The following ZBTB7C variants were observed in gnomAD, a reference collection of about 807,000 sequenced individuals.
The protein encoded by ZBTB7C is zinc finger and BTB domain containing 7C, also known as zinc finger and BTB domain-containing protein 7C.
A neutral mutation model predicts 25.7 loss-of-function variants in ZBTB7C; 8 were observed. That is an observed-to-expected ratio of 0.31 (90% CI 0.18 to 0.56). ZBTB7C has a LOEUF of 0.56. Ranked by LOEUF, ZBTB7C falls within the 20% of genes least tolerant of loss-of-function variation. ZBTB7C has a pLI of 0.91. For synonymous variants in ZBTB7C, 394 were observed against 369.0 expected, an observed-to-expected ratio of 1.07 and a Z score of -0.78; for missense variants, 824 against 855.2, an observed-to-expected ratio of 0.96 and a Z score of 0.46.
chr18:48,198,837 T>G (rs955515285), intron 2 of ZBTB7C, among the ~76,000 whole-genome samples: 2 of 152,170 alleles, frequency 1.3e-5, no homozygotes, highest in African/African-American at 2.4e-5. Context: ...TGGGAGACCA[T>G]TATCTTGTCT....
chr18:48,153,911 G>A (rs1167264664), intron 3 of ZBTB7C, among the ~76,000 whole-genome samples: 3 of 152,180 alleles, frequency 2.0e-5, no homozygotes, highest in African/African-American at 7.2e-5. Flanking sequence ...GAAGCCCCAG[G>A]GCCTAGGAGG....
chr18:48,345,507 C>T (rs368715374), intron 1 of ZBTB7C, among the ~76,000 whole-genome samples: 3 of 152,176 alleles, frequency 2.0e-5, no homozygotes, highest in Non-Finnish European at 4.4e-5. Context: ...AGGTGCCCTG[C>T]GCACTTCTGT....
chr18:48,246,230 A>G (rs1037614291), intron 2 of ZBTB7C, among the ~76,000 whole-genome samples: 11 of 152,066 alleles, frequency 7.2e-5, no homozygotes, highest in African/African-American at 1.9e-4. Context: ...AGGCGGGTGG[A>G]TCACAAGGTC....
intron 3 of ZBTB7C, among the ~76,000 whole-genome samples, chr18:48,138,413 G>A (rs2040239438): frequency 6.6e-6 from 1 of 152,232 alleles, no homozygotes; most frequent in African/African-American, 2.4e-5. Context: ...GTGTCAGGAA[G>A]GCAGGAAAGG....
intron 2 of ZBTB7C, among the ~76,000 whole-genome samples, chr18:48,261,880 A>G (rs12967626): frequency 0.38 from 58,295 of 152,148 alleles, 13,336 homozygotes; most frequent in Non-Finnish European, 0.53. Context: ...ACCAAATGGA[A>G]GAGGCAGGTC....
intron 3 of ZBTB7C, among the ~76,000 whole-genome samples, chr18:48,050,210 AG>A: frequency 6.6e-6 from 1 of 152,264 alleles, no homozygotes; most frequent in African/African-American, 2.4e-5. Flanking sequence ...TGGCCCAAGC[AG>A]CTGGCCAGCC....
intron 3 of ZBTB7C, among the ~76,000 whole-genome samples, chr18:48,085,951 C>T (rs2144516262): frequency 6.6e-6 from 1 of 152,322 alleles, no homozygotes; most frequent in Admixed American, 6.5e-5. Context: ...GCCATCTCAG[C>T]CACAGGCTGG....
chr18:48,066,540 A>G (rs376814185), intron 3 of ZBTB7C, among the ~76,000 whole-genome samples: 11 of 152,190 alleles, frequency 7.2e-5, no homozygotes, highest in African/African-American at 2.7e-4. Flanking sequence ...CCACAAAATT[A>G]TAGATAACAA....
At chr18:48,160,154 C>T (rs1007636343) in intron 3 of ZBTB7C, among the ~76,000 whole-genome samples, 2 of 152,176 alleles carry the variant, frequency 1.3e-5, no homozygotes, top group African/African-American at 4.8e-5. Flanking sequence ...TGCCAGGCTC[C>T]GATGGGGGTC....
intron 3 of ZBTB7C, chr18:48,137,344 C>G (rs2144810075): frequency 1.0e-6 from 1 of 984,988 alleles, no homozygotes; most frequent in African/African-American, 1.7e-5. Context: ...GAAATAAAGG[C>G]AAGGGCGGTG....
chr18:48,093,158 C>A (rs1043136803), intron 3 of ZBTB7C, among the ~76,000 whole-genome samples: 2 of 152,208 alleles, frequency 1.3e-5, no homozygotes, highest in African/African-American at 4.8e-5. Flanking sequence ...GGCTTTCCTG[C>A]CAGTGCCCGA....
intron 2 of ZBTB7C, among the ~76,000 whole-genome samples, chr18:48,285,864 C>T (rs1009712456): frequency 2.0e-5 from 3 of 151,936 alleles, no homozygotes; most frequent in African/African-American, 7.3e-5. Flanking sequence ...GCTCCTGGTC[C>T]TTGGAAGATG....
At chr18:48,221,647 T>C (rs778484294) in intron 2 of ZBTB7C, among the ~76,000 whole-genome samples, 3 of 150,874 alleles carry the variant, frequency 2.0e-5, no homozygotes, top group Non-Finnish European at 4.4e-5. Flanking sequence ...TCCTCTATAC[T>C]GTCCTAATCT....
At chr18:48,357,560 G>A (rs2047005021) in intron 1 of ZBTB7C, among the ~76,000 whole-genome samples, 1 of 152,168 alleles carries the variant, frequency 6.6e-6, no homozygotes, top group Non-Finnish European at 1.5e-5. Flanking sequence ...GGCAGTGTAG[G>A]ACTCCTCAAT....
intron 3 of ZBTB7C, among the ~76,000 whole-genome samples, chr18:48,126,455 C>T (rs1339917045): frequency 6.6e-6 from 1 of 152,220 alleles, no homozygotes; most frequent in African/African-American, 2.4e-5. Flanking sequence ...TGAATCCAAT[C>T]ACCTGGAACT....
chr18:48,139,211 C>T (rs2040264948), intron 3 of ZBTB7C, among the ~76,000 whole-genome samples: 1 of 152,032 alleles, frequency 6.6e-6, no homozygotes, highest in Admixed American at 6.6e-5. Context: ...CTGGGGAAAG[C>T]CAGCAGCTGG....
chr18:48,086,467 C>A (rs368962756), intron 3 of ZBTB7C, among the ~76,000 whole-genome samples: 2 of 152,198 alleles, frequency 1.3e-5, no homozygotes, highest in African/African-American at 4.8e-5. Flanking sequence ...TAATCTAGAT[C>A]ATTTTCTGTT....
intron 2 of ZBTB7C, among the ~76,000 whole-genome samples, chr18:48,226,730 T>C (rs535354219): frequency 6.6e-6 from 1 of 152,218 alleles, no homozygotes; most frequent in East Asian, 1.9e-4. Context: ...TGTTAGGAGT[T>C]AGGTATTCGA....
At chr18:48,215,766 G>C (rs959464151) in intron 2 of ZBTB7C, among the ~76,000 whole-genome samples, 6 of 152,100 alleles carry the variant, frequency 3.9e-5, no homozygotes, top group African/African-American at 1.4e-4. Flanking sequence ...ACCTGGAAAG[G>C]GAAAGGGATT....
Sources: gnomAD v4.1 joint callset for allele counts (sites outside exome capture counted in the v4.1 genomes callset) on GRCh38, gnomAD v4.1.1 for gene constraint, MANE v1.5 for transcripts, NCBI Gene and HGNC (gene_info 2026-07-23, HGNC 2026-07-21) for gene names.